Variants in BCL2 observed in about 807,000 individuals in gnomAD.
The protein encoded by BCL2 is BCL2 apoptosis regulator.
Under a neutral mutation model 14.2 loss-of-function variants are expected in BCL2, and 1 was observed. The ratio of observed to expected loss-of-function variants is 0.07; its 90% CI spans 0.02 to 0.33. BCL2 has a LOEUF of 0.33. BCL2 is among the 10% of genes least tolerant of loss of function. The pLI, the probability that BCL2 is intolerant of heterozygous loss-of-function variation, is 0.99. For missense variants in BCL2, 247 were observed against 305.9 expected (o/e 0.81, Z 1.44); for synonymous variants, 151 against 137.2 (o/e 1.10, Z -0.70).
intron 2 of BCL2, chr18:63,302,314 AAG>A (rs1255993261): frequency 2.0e-6 from 2 of 978,644 alleles, no homozygotes; most frequent in African/African-American, 3.5e-5. Context: ...AAAAAAAAAA[AAG>A]AGAGAGAAAG....
chr18:63,206,163 A>G (rs886269654), intron 2 of BCL2, among the ~76,000 whole-genome samples: 1 of 152,200 alleles, frequency 6.6e-6, no homozygotes, highest in Non-Finnish European at 1.5e-5. Context: ...TGTGCTCGGT[A>G]AGTGTGCATG....
chr18:63,221,683 A>G (rs999552578), intron 2 of BCL2, among the ~76,000 whole-genome samples: 3 of 152,222 alleles, frequency 2.0e-5, no homozygotes, highest in Non-Finnish European at 1.5e-5. Flanking sequence ...AGCCTCAAAA[A>G]GTCACCCTAA....
At chr18:63,164,379 C>T (rs1209769212) in intron 2 of BCL2, among the ~76,000 whole-genome samples, 1 of 152,104 alleles carries the variant, frequency 6.6e-6, no homozygotes, top group Non-Finnish European at 1.5e-5. Flanking sequence ...ATCTGGCAGC[C>T]CCAGACATGG....
At chr18:63,275,457 AAAGGATGG>A (rs1912126474) in intron 2 of BCL2, among the ~76,000 whole-genome samples, 1 of 152,138 alleles carries the variant, frequency 6.6e-6, no homozygotes, top group African/African-American at 2.4e-5. Context: ...CTCAGTGGCC[AAAGGATGG>A]AAGAGAACTT....
intron 2 of BCL2, among the ~76,000 whole-genome samples, chr18:63,191,065 A>C (rs1434961932): frequency 6.6e-6 from 1 of 152,166 alleles, no homozygotes. Context: ...GTATTCCATG[A>C]TGTACATGTA....
chr18:63,224,950 C>G (rs1219490864), intron 2 of BCL2, among the ~76,000 whole-genome samples: 2 of 151,812 alleles, frequency 1.3e-5, no homozygotes, highest in Non-Finnish European at 2.9e-5. Context: ...TCTAGAATAA[C>G]AGTGAAGACA....
intron 2 of BCL2, among the ~76,000 whole-genome samples, chr18:63,220,844 G>GA (rs141666674): frequency 0.061 from 9,182 of 150,676 alleles, 459 homozygotes; most frequent in Non-Finnish European, 0.092. Context: ...GTTTTTCTTT[G>GA]AAAAAATAAA....
At chr18:63,202,934 T>C (rs1909740210) in intron 2 of BCL2, among the ~76,000 whole-genome samples, 1 of 152,100 alleles carries the variant, frequency 6.6e-6, no homozygotes, top group Admixed American at 6.6e-5. Context: ...GTGGATTTCT[T>C]CTCCTCTCTT....
intron 2 of BCL2, among the ~76,000 whole-genome samples, chr18:63,181,668 G>C (rs1431986120): frequency 6.6e-6 from 1 of 152,220 alleles, no homozygotes; most frequent in African/African-American, 2.4e-5. Flanking sequence ...TTCCCTTGCA[G>C]AATGTCAGAC....
intron 2 of BCL2, among the ~76,000 whole-genome samples, chr18:63,134,142 C>T (rs1198251724): frequency 6.6e-6 from 1 of 152,112 alleles, no homozygotes; most frequent in Admixed American, 6.5e-5. Context: ...TCGTTGAAGG[C>T]AGAAGTAGGC....
At chr18:63,144,966 G>A (rs1043707757) in intron 2 of BCL2, among the ~76,000 whole-genome samples, 1 of 152,236 alleles carries the variant, frequency 6.6e-6, no homozygotes, top group Non-Finnish European at 1.5e-5. Context: ...GTCTGGCCCT[G>A]TTGCTAGGGC....
intron 2 of BCL2, among the ~76,000 whole-genome samples, chr18:63,239,291 G>A (rs536534287): frequency 6.6e-6 from 1 of 152,314 alleles, no homozygotes; most frequent in East Asian, 1.9e-4. Context: ...AATGGAAGGG[G>A]CCTCCCCTGA....
At chr18:63,224,111 C>T (rs1249331855) in intron 2 of BCL2, among the ~76,000 whole-genome samples, 1 of 151,774 alleles carries the variant, frequency 6.6e-6, no homozygotes, top group Non-Finnish European at 1.5e-5. Flanking sequence ...GAAATGAACC[C>T]AATAGATGGG....
intron 2 of BCL2, among the ~76,000 whole-genome samples, chr18:63,157,615 G>T (rs1914816883): frequency 6.6e-6 from 1 of 152,216 alleles, no homozygotes. Flanking sequence ...AGTGCACTGT[G>T]TAAAGGTCAC....
Position 63,318,625 on chromosome 18 carries a change from T to A in BCL2, c.42A>T (p.Ile14=), listed in dbSNP as rs2144326085. Residue 14 remains isoleucine, a synonymous_variant, in exon 2 of 3, where the codon ATA becomes ATT. Coordinates refer to ENST00000333681, the MANE Select transcript of BCL2 (RefSeq NM_000633.3). This position sits in a 1 kb window ranked among gnomAD's most constrained non-coding sequence, Gnocchi z 7.4. ...GCTTATAATGGATGTACTTCATCAC[T>A]ATCTCCCGGTTATCGTACCCTGTTC... The part of the protein sequence containing the change: ...AGRTGYDNRE[I]VMKYIHYKLS... 6.2e-7 allele frequency: 1 copy of A among 1,613,328 alleles called. No individual in the cohort carries two copies. The highest frequency in any genetic ancestry group is 1.3e-5 in the African/African-American group (1 of 75,036).
chr18:63,292,291 A>C (rs1451644787), intron 2 of BCL2, among the ~76,000 whole-genome samples: 1 of 151,722 alleles, frequency 6.6e-6, no homozygotes, highest in Admixed American at 6.6e-5. Flanking sequence ...TTATTACTCT[A>C]GACATCAGCT....
intron 2 of BCL2, among the ~76,000 whole-genome samples, chr18:63,130,259 T>C (rs1170652980): frequency 6.6e-6 from 1 of 152,228 alleles, no homozygotes; most frequent in Non-Finnish European, 1.5e-5. Flanking sequence ...TTTCACATTA[T>C]TCCCAACAAC....
chr18:63,266,669 A>AT (rs1911841851), intron 2 of BCL2, among the ~76,000 whole-genome samples: 1 of 151,430 alleles, frequency 6.6e-6, no homozygotes, highest in African/African-American at 2.4e-5. Flanking sequence ...AAATATATAT[A>AT]TTTATACTAC....
intron 2 of BCL2, among the ~76,000 whole-genome samples, chr18:63,186,284 T>TC (rs1015138290): frequency 1.3e-5 from 2 of 151,262 alleles, no homozygotes; most frequent in African/African-American, 2.5e-5. Context: ...GGATTTATTG[T>TC]CTTTATTATA....
Sources: allele counts gnomAD v4.1 joint callset (sites outside exome capture counted in the v4.1 genomes callset), GRCh38; gene constraint gnomAD v4.1.1; non-coding constraint Gnocchi (gnomAD v3.1); transcripts MANE v1.5; gene names NCBI Gene and HGNC (gene_info 2026-07-23, HGNC 2026-07-21).